Variants in KLC1 observed in about 807,000 individuals in gnomAD.
The protein encoded by KLC1 is kinesin light chain 1.
A neutral mutation model predicts 84.2 loss-of-function variants in KLC1; 30 were observed. The observed-to-expected ratio is 0.36, with a 90% CI of 0.27 to 0.48. The LOEUF (loss-of-function observed/expected upper bound fraction) is 0.48. Ranked by LOEUF, KLC1 falls within the 20% of genes least tolerant of loss-of-function variation. The pLI, the probability that KLC1 is intolerant of heterozygous loss-of-function variation, is 0.99. For missense variants in KLC1, 499 were observed against 805.4 expected (o/e 0.62, Z 4.60); for synonymous variants, 289 against 293.3 (o/e 0.99, Z 0.15).
Position 103,654,652 on chromosome 14 carries a change from C to T in KLC1, c.88C>T (p.Gln30Ter). 1 of 1,614,062 alleles carries T rather than the reference C, an allele frequency of 6.2e-7. No individual in the cohort carries two copies. ...TQDEIISKTKQVIQGLEALKN... is the reference protein window; with the variant it reads ...TQDEIISKTK ...GGATGAAATTATTTCTAAGACAAAG[C>T]AAGTAATTCAGGGGCTGGAAGCTTT... Residue 30 changes from glutamine (Q) to a stop codon, truncating the protein, a stop_gained, in exon 2 of 17, where the codon CAA becomes TAA. Coordinates refer to ENST00000334553, the MANE Select transcript of KLC1 (RefSeq NM_001394837.1). LOFTEE classifies it high-confidence loss of function.
intron 13 of KLC1, among the ~76,000 whole-genome samples, chr14:103,684,616 G>T (rs1450652265): frequency 6.6e-6 from 1 of 152,232 alleles, no homozygotes; most frequent in Non-Finnish European, 1.5e-5. Flanking sequence ...AGCTGGGTCG[G>T]ACCCCAATTC....
rs565809024 is a variant in KLC1, at chr14:103,661,115, C to T, written c.493-1001C>T. 5.3e-5 allele frequency among the ~76,000 whole-genome samples: 8 copies of T among 152,222 alleles called. No homozygotes were observed. In the East Asian group the frequency reaches 9.6e-4, roughly 18 times the overall value. ...GCCACGGCTGCTTACTGCTGCTGGG[C>T]GTCTTTCCCTAGGGTGAGGGGTTCT... On this transcript the variant is annotated intron_variant, in intron 3 of 16. Coordinates refer to ENST00000334553, the MANE Select transcript of KLC1 (RefSeq NM_001394837.1).
intron 11 of KLC1, 39 bp downstream of exon 11, chr14:103,675,795 G>C: frequency 6.4e-7 from 1 of 1,553,792 alleles, no homozygotes; most frequent in South Asian, 1.1e-5. Context: ...AAACCAAAAA[G>C]CAGGGGGAAG....
intron 15 of KLC1, chr14:103,696,110 CCCCCACA>C: frequency 1.1e-6 from 1 of 884,312 alleles, no homozygotes; most frequent in Non-Finnish European, 1.3e-6. Context: ...CCCCCGCCCC[CCCCCACA>C]GCAGCCGTGT....
rs960568463 is a variant in KLC1, at chr14:103,632,750, ACT to A, written c.-2+3259_-2+3260del. ...AAAAATAAAACCAAAAAACAAAAAA[ACT>A]CTGTCCTCTAGGAGCTCACAGGCTG... On this transcript the variant is annotated intron_variant, in intron 1 of 16. Coordinates refer to ENST00000334553, the MANE Select transcript of KLC1 (RefSeq NM_001394837.1). Among the ~76,000 whole-genome samples, 4 of 151,822 alleles carry A rather than the reference ACT, an allele frequency of 2.6e-5. 1 individual carries two copies. The highest frequency in any genetic ancestry group is 4.8e-5 in the African/African-American group (2 of 41,418).
At chr14:103,677,771 C>T (rs1255583540) in intron 12 of KLC1, among the ~76,000 whole-genome samples, 2 of 141,044 alleles carry the variant, frequency 1.4e-5, no homozygotes, top group African/African-American at 2.6e-5. Flanking sequence ...CCAGCCTGGC[C>T]AACATGGTGA....
intron 3 of KLC1, 137 bp from the exon 4 acceptor site, chr14:103,661,979 C>T (rs985551789): frequency 6.4e-5 from 41 of 642,752 alleles, no homozygotes; most frequent in South Asian, 1.2e-4. Context: ...AGATTGTCGG[C>T]GATCCTACAT....
rs577979884 is a variant in KLC1, at chr14:103,662,775, G to A, written c.645G>A (p.Thr215=). Residue 215 remains threonine (T), a synonymous_variant, in exon 5 of 17, where the codon ACG becomes ACA. Coordinates refer to ENST00000334553, the MANE Select transcript of KLC1 (RefSeq NM_001394837.1). ...ACGAGATCCCCGCGCGGCTGCGGAC[G>A]CTCCACAACCTGGTGATCCAGTACG... ...GGYEIPARLR[T]LHNLVIQYAS... is the part of the protein sequence containing the mutation. The A allele has an allele frequency of 3.3e-5, 53 of 1,611,784 alleles. No homozygotes were observed. Among genetic ancestry groups the A allele is most frequent in the Non-Finnish European group, 4.2e-5 (50 of 1,179,550 alleles).
At chr14:103,684,723 CGTGTGTGTGTGT>C in intron 13 of KLC1, 1 of 433,730 alleles carries the variant, frequency 2.3e-6, no homozygotes, top group African/African-American at 2.0e-5. Context: ...TGTGTGCACG[CGTGTGTGTGTGT>C]GTCACATGAA....
chr14:103,663,491 C>T (rs953537479), intron 5 of KLC1, among the ~76,000 whole-genome samples: 1 of 152,170 alleles, frequency 6.6e-6, no homozygotes, highest in African/African-American at 2.4e-5. Flanking sequence ...TAACGCCAGC[C>T]AAACGAAGCT....
In KLC1 at chr14:103,637,551, G is replaced by A. The variant is rs541355178; in HGVS notation, c.-2+8057G>A. Among the ~76,000 whole-genome samples the A allele has an allele frequency of 9.2e-4, 139 of 151,758 alleles. 4 individuals are homozygous for A. The South Asian group carries it at 0.028, about 30-fold the overall frequency. Reference sequence around the variant, plus strand: ...TTTCAAAAAAAAAAAAGAAATTTTCGCAGGGTTTATTTTTATCTTTTATTT... The same window carrying A: ...TTTCAAAAAAAAAAAAGAAATTTTCACAGGGTTTATTTTTATCTTTTATTT... On this transcript the variant is annotated intron_variant, in intron 1 of 16. Transcript: ENST00000334553.
In KLC1 at chr14:103,693,411, C is replaced by T; in HGVS notation, c.1848+986C>T. On this transcript the variant is annotated intron_variant, in intron 15 of 16. Transcript: ENST00000334553. The surrounding 1 kb of genome is among the most constrained non-coding windows in gnomAD (Gnocchi z 5.1). The stretch of plus-strand genomic sequence containing the variant: ...GCCCTCCAGTTTCTTGGAGTTTCTA[C>T]ATGCACATTGACCCCTGGGCCTCTC... 7.7e-7 allele frequency: 1 copy of T among 1,295,072 alleles called. No homozygotes were observed. The highest frequency in any genetic ancestry group is 1.5e-5 in the South Asian group (1 of 67,664). The allele number at this position is 1,295,072 out of a possible 1,614,324, so 80.2% of individuals were successfully genotyped here.
At chr14:103,698,336 G>A (rs34023186) in intron 15 of KLC1, 409 of 197,766 alleles carry the variant, frequency 2.1e-3, no homozygotes, top group Admixed American at 6.8e-3. Context: ...TGGTGGGGGA[G>A]TAAGGACTGC....
At chr14:103,701,025 A>G (rs543314949) in intron 16 of KLC1, among the ~76,000 whole-genome samples, 176 bp from the exon 17 acceptor site, 1 of 152,308 alleles carries the variant, frequency 6.6e-6, no homozygotes, top group African/African-American at 2.4e-5. Context: ...AGCAGAGACC[A>G]AAGACGCACC....
At chr14:103,698,955 C>T (rs1360165863) in intron 15 of KLC1, 1 of 1,601,150 alleles carries the variant, frequency 6.2e-7, no homozygotes, top group Non-Finnish European at 8.5e-7. Context: ...AGCCAGCAGT[C>T]TCACCAGGAG....
chr14:103,690,875 T>C (rs1476727399), intron 14 of KLC1, among the ~76,000 whole-genome samples: 2 of 152,238 alleles, frequency 1.3e-5, no homozygotes, highest in Admixed American at 1.3e-4. Flanking sequence ...TGTATTCCTT[T>C]AAGTGGAGAA....
At chr14:103,681,120 C>T (rs911555354) in intron 13 of KLC1, among the ~76,000 whole-genome samples, 1 of 152,160 alleles carries the variant, frequency 6.6e-6, no homozygotes, top group Non-Finnish European at 1.5e-5. Flanking sequence ...ACTTTGGACA[C>T]CTGATTCTAT....
chr14:103,661,670 T>A (rs57218990), intron 3 of KLC1, among the ~76,000 whole-genome samples: 45,321 of 152,072 alleles, frequency 0.3, 7,404 homozygotes, highest in Middle Eastern at 0.38. Context: ...GGTTTCAAAC[T>A]GCTCCCAGGG....
intron 14 of KLC1, among the ~76,000 whole-genome samples, chr14:103,689,826 C>T (rs1239519017): frequency 1.3e-5 from 2 of 152,126 alleles, no homozygotes; most frequent in South Asian, 2.1e-4. Flanking sequence ...GTTGAGGATT[C>T]GAGTTGTTCT....
Sources: gnomAD v4.1 joint callset for allele counts (sites outside exome capture counted in the v4.1 genomes callset) on GRCh38, gnomAD v4.1.1 for gene constraint, Gnocchi (gnomAD v3.1) non-coding constraint, MANE v1.5 for transcripts, NCBI Gene and HGNC (gene_info 2026-07-23, HGNC 2026-07-21) for gene names.